Variants in ARHGAP32 observed in about 807,000 individuals in gnomAD.
The protein encoded by ARHGAP32 is Rho GTPase activating protein 32.
In ARHGAP32, 51 loss-of-function variants were observed where a neutral mutation model predicts 186.5. That is an observed-to-expected ratio of 0.27 (90% CI 0.22 to 0.35). ARHGAP32 has a LOEUF of 0.35. ARHGAP32 is among the 10% of genes least tolerant of loss of function. The pLI is 1.00. For synonymous variants in ARHGAP32, 950 were observed against 964.3 expected, an observed-to-expected ratio of 0.99 and a Z score of 0.27; for missense variants, 2,186 against 2,623.5, an observed-to-expected ratio of 0.83 and a Z score of 3.64.
At chr11:129,156,373 G>A (rs1943406569) in intron 2 of ARHGAP32, among the ~76,000 whole-genome samples, 1 of 152,244 alleles carries the variant, frequency 6.6e-6, no homozygotes, top group Non-Finnish European at 1.5e-5. Context: ...ACAGCAGTCT[G>A]AAGTCGACCT....
intron 1 of ARHGAP32, among the ~76,000 whole-genome samples, chr11:129,217,990 A>G (rs1944666898): frequency 6.6e-6 from 1 of 152,152 alleles, no homozygotes; most frequent in South Asian, 2.1e-4. Flanking sequence ...TAAGCGTGAC[A>G]ATGTACACAA....
intron 12 of ARHGAP32, among the ~76,000 whole-genome samples, chr11:128,990,454 G>A (rs946434649): frequency 6.6e-6 from 1 of 152,138 alleles, no homozygotes; most frequent in Non-Finnish European, 1.5e-5. Context: ...CTGAGAGCCT[G>A]AAATGGTCAT....
intron 1 of ARHGAP32, among the ~76,000 whole-genome samples, chr11:129,213,283 C>G (rs1944604354): frequency 6.6e-6 from 1 of 152,184 alleles, no homozygotes; most frequent in Non-Finnish European, 1.5e-5. Flanking sequence ...GACAAAATCA[C>G]TGCTTCCTGA....
intron 2 of ARHGAP32, among the ~76,000 whole-genome samples, chr11:129,140,270 G>GAT (rs1282574706): frequency 6.6e-6 from 1 of 152,104 alleles, no homozygotes. Flanking sequence ...TAAGGAACTG[G>GAT]ATTCTGCCAA....
chr11:128,970,637 T>C lies in ARHGAP32; in HGVS notation c.4576A>G (p.Asn1526Asp). 1 of 1,614,112 alleles carries C rather than the reference T, an allele frequency of 6.2e-7. No homozygotes were observed. Among genetic ancestry groups the C allele is most frequent in the Non-Finnish European group, 8.5e-7 (1 of 1,180,014 alleles). Residue 1526 changes from asparagine (N) to aspartate (D), a missense_variant, in exon 23 of 23, where the codon AAT becomes GAT. Physicochemically the swap from Asn to Asp is conservative, Grantham distance 23. Coordinates refer to ENST00000682385, the MANE Select transcript of ARHGAP32 (RefSeq NM_001378024.1). This position sits in a 1 kb window ranked among gnomAD's most constrained non-coding sequence, Gnocchi z 5.8. ...TACACTTGGTGCTGCTCCAATTTAT[T>C]GTGATGGGGAGGTACACTCTGGGGA... ...YRPQSVPPHH[N>D]KLEQHQVYGA...
chr11:129,245,361 A>G (rs1945077792), intron 1 of ARHGAP32, among the ~76,000 whole-genome samples: 1 of 148,826 alleles, frequency 6.7e-6, no homozygotes, highest in South Asian at 2.2e-4. Context: ...AAAAAACCAA[A>G]CACCGCATAT....
intron 1 of ARHGAP32, among the ~76,000 whole-genome samples, chr11:129,276,059 T>G (rs1044715004): frequency 6.6e-6 from 1 of 152,228 alleles, no homozygotes; most frequent in Admixed American, 6.5e-5. Flanking sequence ...GGAAGATCGC[T>G]TCAGCCCAGA....
chr11:129,075,437 A>G (rs1156922965), intron 6 of ARHGAP32, among the ~76,000 whole-genome samples: 3 of 152,236 alleles, frequency 2.0e-5, no homozygotes, highest in African/African-American at 7.2e-5. Flanking sequence ...CCAAGAAGAC[A>G]TAAAACAATC....
intron 5 of ARHGAP32, among the ~76,000 whole-genome samples, chr11:129,119,679 G>A (rs567330290): frequency 6.6e-6 from 1 of 152,164 alleles, no homozygotes; most frequent in Admixed American, 6.6e-5. Flanking sequence ...AGGGAGATGA[G>A]GAATGCTGGT....
At chr11:129,264,189 T>C (rs901426411) in intron 1 of ARHGAP32, among the ~76,000 whole-genome samples, 1 of 152,172 alleles carries the variant, frequency 6.6e-6, no homozygotes, top group African/African-American at 2.4e-5. Flanking sequence ...GTATCTAAAG[T>C]AGCCAAAATC....
At chr11:129,115,893 G>T (rs1942354528) in intron 5 of ARHGAP32, among the ~76,000 whole-genome samples, 1 of 152,064 alleles carries the variant, frequency 6.6e-6, no homozygotes, top group African/African-American at 2.4e-5. Context: ...TCTCGAGAAA[G>T]GAGAATGGGC....
chr11:129,125,866 T>C, intron 2 of ARHGAP32: 1 of 442,016 alleles, frequency 2.3e-6, no homozygotes, highest in Non-Finnish European at 4.5e-6. Context: ...TTCTTAGATA[T>C]ATTTTTACTC....
chr11:129,133,660 A>G (rs766806515), intron 2 of ARHGAP32, among the ~76,000 whole-genome samples: 1 of 152,232 alleles, frequency 6.6e-6, no homozygotes, highest in Non-Finnish European at 1.5e-5. Flanking sequence ...GCATCAAGTG[A>G]CAATATCCTT....
chr11:129,234,159 A>T (rs1037539386), intron 1 of ARHGAP32, among the ~76,000 whole-genome samples: 1 of 152,132 alleles, frequency 6.6e-6, no homozygotes, highest in Non-Finnish European at 1.5e-5. Flanking sequence ...CAAAGAAGAG[A>T]TTACTGACAA....
rs1332273981 is a variant in ARHGAP32, at chr11:128,986,533, C to T, written c.1434G>A (p.Glu478=). The change falls in exon 14 of 23, where the codon GAG becomes GAA. Residue 478 remains glutamate (E), a synonymous_variant. Coordinates refer to ENST00000682385, the MANE Select transcript of ARHGAP32 (RefSeq NM_001378024.1). The part of the protein sequence containing the change: ...PNPLLTYQLY[E]KFSDAVSAAT... ...AGTAGCCTGTACTCACAGAAAATTT[C>T]TCATACAGCTGGTAGGTAAGCAGAG... is the stretch of plus-strand genomic sequence containing the variant. 3.7e-6 allele frequency: 6 copies of T among 1,614,010 alleles called. No individual in the cohort carries two copies. The highest frequency in any genetic ancestry group is 5.1e-6 in the Non-Finnish European group (6 of 1,179,954).
chr11:129,101,554 T>G (rs1941899773), intron 5 of ARHGAP32, among the ~76,000 whole-genome samples: 1 of 152,046 alleles, frequency 6.6e-6, no homozygotes, highest in Non-Finnish European at 1.5e-5. Flanking sequence ...AAGTTTATAA[T>G]GCAATCACAA....
chr11:129,062,144 C>T, intron 10 of ARHGAP32, 136 bp downstream of exon 10: 1 of 684,112 alleles, frequency 1.5e-6, no homozygotes, highest in South Asian at 1.9e-5. Flanking sequence ...ATTATCATTA[C>T]TATCTGCATT....
intron 6 of ARHGAP32, among the ~76,000 whole-genome samples, chr11:129,080,918 A>G (rs76389555): frequency 6.6e-6 from 1 of 152,186 alleles, no homozygotes; most frequent in African/African-American, 2.4e-5. Flanking sequence ...AATAAATGGG[A>G]GCTATTACAA....
rs1945476942 is a variant in ARHGAP32 at position 128,974,182 on chromosome 11, C to T, written c.3015G>A (p.Glu1005=). 1.2e-6 allele frequency: 2 copies of T among 1,614,218 alleles called. No individual in the cohort carries two copies. Among genetic ancestry groups the T allele is most frequent in the Non-Finnish European group, 1.7e-6 (2 of 1,180,038 alleles). Residue 1005 remains glutamate, a synonymous_variant, in exon 21 of 23, where the codon GAG becomes GAA. Transcript: ENST00000682385. ...AAEEVELPGK[E]DQSVSSSQSK... is the part of the protein sequence containing the mutation. ...TCTGACTGCTTGAGACAGACTGATC[C>T]TCTTTCCCTGGCAATTCTACTTCTT... is the stretch of plus-strand genomic sequence containing the variant.
Sources: gnomAD v4.1 joint callset for allele counts (sites outside exome capture counted in the v4.1 genomes callset) on GRCh38, gnomAD v4.1.1 for gene constraint, Gnocchi (gnomAD v3.1) non-coding constraint, MANE v1.5 for transcripts, NCBI Gene and HGNC (gene_info 2026-07-23, HGNC 2026-07-21) for gene names.